KCNIP4: variants seen among roughly 807,000 people sequenced by gnomAD.
KCNIP4 encodes the protein potassium voltage-gated channel interacting protein 4, also known as Kv channel-interacting protein 4.
Under a neutral mutation model 34.0 loss-of-function variants are expected in KCNIP4, and 12 were observed. The ratio of observed to expected loss-of-function variants is 0.35; its 90% confidence interval spans 0.23 to 0.57. KCNIP4 has a LOEUF of 0.57. Ranked by LOEUF, KCNIP4 falls within the 20% of genes least tolerant of loss-of-function variation. The probability of loss-of-function intolerance (pLI) is 0.83; values close to 1 mark genes in which losing one functional copy is unlikely to be tolerated. For missense variants in KCNIP4, 238 were observed against 311.7 expected (o/e 0.76, Z 1.78); for synonymous variants, 124 against 102.2 (o/e 1.21, Z -1.29).
intron 1 of KCNIP4, among the ~76,000 whole-genome samples, chr4:21,055,250 C>G (rs572785947): frequency 1.3e-5 from 2 of 152,162 alleles, no homozygotes; most frequent in East Asian, 3.9e-4. Context: ...TTGCCAAAAT[C>G]CAAAACACTC....
chr4:21,724,369 T>C (rs1343954815), intron 1 of KCNIP4, among the ~76,000 whole-genome samples: 1 of 147,324 alleles, frequency 6.8e-6, no homozygotes, highest in Non-Finnish European at 1.5e-5. Flanking sequence ...TAAAATATTG[T>C]GGGAAAAAAG....
intron 3 of KCNIP4, among the ~76,000 whole-genome samples, chr4:20,764,334 T>G (rs1417866258): frequency 2.0e-5 from 3 of 152,072 alleles, no homozygotes; most frequent in African/African-American, 7.2e-5. Context: ...TTAGGAAATA[T>G]CCTGAACATT....
In KCNIP4 at chr4:21,281,208, T is replaced by C. The variant is rs1030969170; in HGVS notation, c.62-398499A>G. Among the ~76,000 whole-genome samples, 11 of 150,998 alleles carry C rather than the reference T, an allele frequency of 7.3e-5. No homozygotes were observed. The East Asian group carries it at 2.2e-3, about 30-fold the overall frequency. On this transcript the variant is annotated intron_variant, in intron 1 of 8. Coordinates refer to ENST00000382152, the MANE Select transcript of KCNIP4 (RefSeq NM_025221.6). Reference sequence around the variant, plus strand: ...TTCAAGCAACTCTCCTTCCTCAGCCTCCCAAGTAGCTGGGACTACAGGCAC... The same window carrying C: ...TTCAAGCAACTCTCCTTCCTCAGCCCCCCAAGTAGCTGGGACTACAGGCAC...
chr4:21,237,400 G>T (rs997750225), intron 1 of KCNIP4, among the ~76,000 whole-genome samples: 2 of 151,994 alleles, frequency 1.3e-5, no homozygotes, highest in African/African-American at 2.4e-5. Flanking sequence ...TGTAATTTTG[G>T]TCCACATAGA....
At chr4:21,328,454 G>C (rs936243188) in intron 1 of KCNIP4, among the ~76,000 whole-genome samples, 1 of 152,170 alleles carries the variant, frequency 6.6e-6, no homozygotes, top group Non-Finnish European at 1.5e-5. Context: ...GGTGCCTGGA[G>C]CTGGGGGTGG....
At chr4:21,110,887 G>T (rs535508320) in intron 1 of KCNIP4, among the ~76,000 whole-genome samples, 2 of 152,094 alleles carry the variant, frequency 1.3e-5, no homozygotes, top group African/African-American at 2.4e-5. Flanking sequence ...CATTTCTGTT[G>T]TTTATAAGCC....
intron 1 of KCNIP4, among the ~76,000 whole-genome samples, chr4:20,920,672 AC>A (rs1729307396): frequency 6.6e-6 from 1 of 152,194 alleles, no homozygotes; most frequent in African/African-American, 2.4e-5. Context: ...AGTGAGAATG[AC>A]AATGATCCAC....
intron 1 of KCNIP4, among the ~76,000 whole-genome samples, chr4:21,867,781 A>G (rs1410108176): frequency 6.6e-6 from 1 of 152,240 alleles, no homozygotes; most frequent in African/African-American, 2.4e-5. Flanking sequence ...TTCTAAATAA[A>G]TCTTTTCATC....
At chr4:21,850,262 A>G (rs1486790879) in intron 1 of KCNIP4, 1 of 152,130 alleles carries the variant, frequency 6.6e-6, no homozygotes, top group Non-Finnish European at 1.5e-5. Flanking sequence ...CAACTGAGAG[A>G]CACTAATGAA....
At chr4:21,789,555 C>G (rs1012393842) in intron 1 of KCNIP4, among the ~76,000 whole-genome samples, 1 of 152,156 alleles carries the variant, frequency 6.6e-6, no homozygotes, top group Admixed American at 6.6e-5. Flanking sequence ...TTATTAGATA[C>G]AGCAACTGGG....
chr4:20,758,992 A>G, intron 3 of KCNIP4, 102 bp from the exon 4 acceptor site: 1 of 801,708 alleles, frequency 1.2e-6, no homozygotes, highest in African/African-American at 1.7e-5. Flanking sequence ...AAGCTGCACC[A>G]AGAAAATTAA....
intron 1 of KCNIP4, among the ~76,000 whole-genome samples, chr4:21,455,912 G>A (rs1229776605): frequency 1.6e-5 from 2 of 126,058 alleles, no homozygotes; most frequent in African/African-American, 7.8e-5. Context: ...ATTAGGCTCA[G>A]AGAGAATTGG....
intron 1 of KCNIP4, among the ~76,000 whole-genome samples, chr4:21,066,150 TG>T (rs566876034): frequency 2.6e-4 from 40 of 152,126 alleles, no homozygotes; most frequent in Middle Eastern, 3.4e-3. Context: ...ACAACACCGG[TG>T]GGAAATTTTA....
intron 3 of KCNIP4, among the ~76,000 whole-genome samples, chr4:20,843,356 G>T (rs1386487097): frequency 6.6e-6 from 1 of 152,182 alleles, no homozygotes; most frequent in Non-Finnish European, 1.5e-5. Flanking sequence ...GAAGTTTCCT[G>T]TACCTAGGAC....
At chr4:21,843,409 T>C (rs1723810230) in intron 1 of KCNIP4, 1 of 152,076 alleles carries the variant, frequency 6.6e-6, no homozygotes, top group South Asian at 2.1e-4. Flanking sequence ...CCCAAAAATA[T>C]GGCACCTTGA....
At chr4:21,042,848 C>G (rs1401078354) in intron 1 of KCNIP4, among the ~76,000 whole-genome samples, 1 of 152,050 alleles carries the variant, frequency 6.6e-6, no homozygotes, top group East Asian at 1.9e-4. Context: ...GAATGTGTCT[C>G]CATTATGCGA....
At chr4:21,058,456 C>T (rs1560684453) in intron 1 of KCNIP4, among the ~76,000 whole-genome samples, 1 of 152,086 alleles carries the variant, frequency 6.6e-6, no homozygotes, top group Non-Finnish European at 1.5e-5. Flanking sequence ...GGTTCCTAGT[C>T]CTGCCTCAGT....
intron 1 of KCNIP4, among the ~76,000 whole-genome samples, chr4:21,002,436 T>C (rs1333273422): frequency 6.6e-6 from 1 of 152,218 alleles, no homozygotes; most frequent in African/African-American, 2.4e-5. Context: ...TCGTACTCCA[T>C]TCACTGGCAG....
chr4:21,593,752 C>A (rs183884504), intron 1 of KCNIP4, among the ~76,000 whole-genome samples: 5 of 152,188 alleles, frequency 3.3e-5, no homozygotes, highest in Non-Finnish European at 2.9e-5. Flanking sequence ...ATACCAAGAC[C>A]TGAAACAGGA....
Sources: allele counts gnomAD v4.1 joint callset (sites outside exome capture counted in the v4.1 genomes callset), GRCh38; gene constraint gnomAD v4.1.1; transcripts MANE v1.5; gene names NCBI Gene and HGNC (gene_info 2026-07-23, HGNC 2026-07-21).